GBF1: variants seen among roughly 807,000 people sequenced by gnomAD.
The protein encoded by GBF1 is golgi brefeldin A resistant guanine nucleotide exchange factor 1, also known as Golgi-specific brefeldin A-resistance guanine nucleotide exchange factor 1.
In GBF1, 114 loss-of-function variants were observed where a neutral mutation model predicts 210.5. The ratio of observed to expected loss-of-function variants is 0.54; its 90% CI spans 0.47 to 0.63. The LOEUF (loss-of-function observed/expected upper bound fraction) is 0.63, where lower values mean the gene tolerates loss of function less well. Among genes scored for constraint, GBF1 ranks in the 30% least tolerant of loss-of-function variants. The pLI is 0.00. For missense variants in GBF1, 1,851 were observed against 2,357.7 expected (o/e 0.79, Z 4.45); for synonymous variants, 850 against 889.2 (o/e 0.96, Z 0.78).
chr10:102,260,476 C>CTTTTTTTTTTTTTTTTTTT (rs60452124), intron 3 of GBF1, among the ~76,000 whole-genome samples: 9 of 72,432 alleles, frequency 1.2e-4, no homozygotes, highest in African/African-American at 1.9e-4. Context: ...TTCCTTTCTT[C>CTTTTTTTTTTTTTTTTTTT]TTTTTTTTTT....
chr10:102,318,676 C>A (rs1038092165), intron 3 of GBF1, among the ~76,000 whole-genome samples: 10 of 151,984 alleles, frequency 6.6e-5, no homozygotes, highest in African/African-American at 2.4e-4. Flanking sequence ...GTCCAACTTC[C>A]CCCCCTTCAA....
the GBF1 span, chr10:102,231,135 G>C: frequency 6.7e-6 from 10 of 1,485,544 alleles, no homozygotes; most frequent in Non-Finnish European, 8.9e-6. Flanking sequence ...TCAGGGCCCG[G>C]GGCCGGGTCC....
intron 3 of GBF1, among the ~76,000 whole-genome samples, chr10:102,278,295 T>G (rs574195574): frequency 1.4e-4 from 21 of 151,400 alleles, no homozygotes; most frequent in Non-Finnish European, 3.1e-4. Flanking sequence ...TTTTTAGAGT[T>G]ATGGAGTTAT....
intron 4 of GBF1, among the ~76,000 whole-genome samples, chr10:102,346,164 G>A (rs1431556950): frequency 1.3e-5 from 2 of 151,998 alleles, no homozygotes; most frequent in African/African-American, 2.4e-5. Flanking sequence ...TGTATTTTTA[G>A]TAGAGACAGG....
intron 1 of GBF1, among the ~76,000 whole-genome samples, chr10:102,256,520 A>AT (rs894236208): frequency 1.2e-3 from 161 of 139,718 alleles, no homozygotes; most frequent in East Asian, 9.1e-3. Context: ...AAAAAAAAAA[A>AT]TTTTTTTTTT....
intron 3 of GBF1, among the ~76,000 whole-genome samples, chr10:102,317,155 G>C (rs1176135525): frequency 6.6e-6 from 1 of 152,054 alleles, no homozygotes; most frequent in Non-Finnish European, 1.5e-5. Flanking sequence ...ATATAAGCCA[G>C]GCACAGTGGC....
At chr10:102,334,325 G>A (rs1327922134) in intron 3 of GBF1, among the ~76,000 whole-genome samples, 1 of 152,222 alleles carries the variant, frequency 6.6e-6, no homozygotes, top group Non-Finnish European at 1.5e-5. Flanking sequence ...ACCAGGGAAA[G>A]CAGCTTATGT....
At chr10:102,281,553 TTATC>T (rs1305116359) in intron 3 of GBF1, among the ~76,000 whole-genome samples, 3 of 149,292 alleles carry the variant, frequency 2.0e-5, no homozygotes, top group African/African-American at 4.9e-5. Flanking sequence ...TTTTTATAAA[TTATC>T]TATAAATTAT....
the GBF1 span, among the ~76,000 whole-genome samples, chr10:102,232,947 C>T: frequency 6.6e-6 from 1 of 152,178 alleles, no homozygotes; most frequent in South Asian, 2.1e-4. Flanking sequence ...TCTCCCCTCA[C>T]AAGAATACCT....
At chr10:102,268,842 T>C (rs2074129957) in intron 3 of GBF1, among the ~76,000 whole-genome samples, 1 of 152,210 alleles carries the variant, frequency 6.6e-6, no homozygotes, top group African/African-American at 2.4e-5. Context: ...GGTGAGTACA[T>C]TTGTCTTTTC....
chr10:102,231,560 G>A, the GBF1 span: 12 of 1,465,634 alleles, frequency 8.2e-6, no homozygotes, highest in Middle Eastern at 2.2e-4. Flanking sequence ...GCCCGCGCGG[G>A]TGCGAGTCGC....
At chr10:102,343,959 ACCTCTAGCCT>A in intron 3 of GBF1, 82 bp from the exon 4 acceptor site, 1 of 920,692 alleles carries the variant, frequency 1.1e-6, no homozygotes, top group Non-Finnish European at 1.7e-6. Flanking sequence ...AACAACAAAG[ACCTCTAGCCT>A]CATGGCACAA....
At chr10:102,380,762 C>G in intron 38 of GBF1, 76 bp downstream of exon 38, 1 of 1,237,798 alleles carries the variant, frequency 8.1e-7, no homozygotes, top group Non-Finnish European at 1.1e-6. Flanking sequence ...AATCCCAGCA[C>G]TTTGAGAGGC....
intron 36 of GBF1, 44 bp downstream of exon 36, chr10:102,379,998 C>CT (rs1449702951): frequency 4.5e-6 from 6 of 1,345,844 alleles, no homozygotes; most frequent in Non-Finnish European, 6.3e-6. Context: ...CCATACCTGC[C>CT]TTTTCCCGAG....
At chr10:102,273,357 T>G (rs1012745078) in intron 3 of GBF1, among the ~76,000 whole-genome samples, 12 of 151,730 alleles carry the variant, frequency 7.9e-5, no homozygotes, top group Non-Finnish European at 2.9e-5. Flanking sequence ...AAATAAAAAA[T>G]AAAAAAAAGA....
chr10:102,246,540 CAT>C (rs1255582758), intron 1 of GBF1, among the ~76,000 whole-genome samples: 4 of 152,190 alleles, frequency 2.6e-5, no homozygotes, highest in Admixed American at 2.0e-4. Flanking sequence ...TCTATTATGA[CAT>C]ATTTGACTGA....
rs1309194868 is a variant in GBF1 at position 102,364,467 on chromosome 10, G to A, written c.2106+669G>A. ...TCTTGATCTCCTGACCTCGTGATCT[G>A]CCCACCTTGGCCTCCCAAAGTGCTG... On this transcript the variant is annotated intron_variant, in intron 17 of 39. Coordinates refer to ENST00000369983, the MANE Select transcript of GBF1 (RefSeq NM_001377137.1). Among the ~76,000 whole-genome samples, 8 of 149,934 alleles carry A rather than the reference G, an allele frequency of 5.3e-5. No homozygotes were observed. The East Asian group carries it at 1.4e-3, about 27-fold the overall frequency.
Position 102,377,035 on chromosome 10 carries a change from T to C in GBF1, c.4389T>C (p.Pro1463=). The C allele has an allele frequency of 6.2e-7, 1 of 1,614,090 alleles. No homozygotes were observed. Among genetic ancestry groups the C allele is most frequent in the South Asian group, 1.1e-5 (1 of 91,078 alleles). ...AAGAGGGATCAATGCTTCGCCGGCC[T>C]CGAACCTCCAGCCAACATGCCTCTC... ...KSKEGSMLRR[P]RTSSQHASRG... Residue 1463 remains proline, a synonymous_variant, in exon 33 of 40, where the codon CCT becomes CCC. Transcript: ENST00000369983.
chr10:102,255,156 T>A (rs2072164053), intron 1 of GBF1, among the ~76,000 whole-genome samples: 1 of 152,156 alleles, frequency 6.6e-6, no homozygotes, highest in African/African-American at 2.4e-5. Flanking sequence ...TTCTCCTGCC[T>A]CAGCCTCCCA....
Sources: gnomAD v4.1 joint callset for allele counts (sites outside exome capture counted in the v4.1 genomes callset) on GRCh38, gnomAD v4.1.1 for gene constraint, MANE v1.5 for transcripts, NCBI Gene and HGNC (gene_info 2026-07-23, HGNC 2026-07-21) for gene names.